TECPR2: variants seen among roughly 807,000 people sequenced by gnomAD.
The protein encoded by TECPR2 is tectonin beta-propeller repeat containing 2, also known as tectonin beta-propeller repeat-containing protein 2.
In TECPR2, 65 loss-of-function variants were observed where a neutral mutation model predicts 138.1. The ratio of observed to expected loss-of-function variants is 0.47; its 90% confidence interval spans 0.39 to 0.58. The LOEUF (loss-of-function observed/expected upper bound fraction) is 0.58. TECPR2 is among the 20% of genes least tolerant of loss of function. TECPR2 has a pLI of 0.00. For missense variants in TECPR2, 1,553 were observed against 1,824.5 expected (o/e 0.85, Z 2.71); for synonymous variants, 746 against 749.8 (o/e 0.99, Z 0.08).
chr14:102,492,588 T>C (rs1365071698), intron 17 of TECPR2, among the ~76,000 whole-genome samples: 1 of 152,164 alleles, frequency 6.6e-6, no homozygotes, highest in Non-Finnish European at 1.5e-5. Context: ...GTGGTCAGGG[T>C]CCATCCTCCA....
intron 2 of TECPR2, among the ~76,000 whole-genome samples, chr14:102,388,489 T>A (rs1039657960): frequency 2.8e-5 from 4 of 145,014 alleles, no homozygotes; most frequent in Non-Finnish European, 4.5e-5. Flanking sequence ...AGGTCAGGAG[T>A]TTGAGACCAG....
In TECPR2 at chr14:102,435,086, A is replaced by C; in HGVS notation, c.2269A>C (p.Ile757Leu). The change falls in exon 9 of 20, where the codon ATC becomes CTC. Residue 757 changes from isoleucine to leucine, a missense_variant. Transcript: ENST00000359520. ...ATTGACGTCCAGCGATGAGGAGGAC[A>C]TCTATGCCCACGGGCTTCCTTCTTC... is the stretch of plus-strand genomic sequence containing the variant. ...QTLTSSDEED[I>L]YAHGLPSSSS... The C allele has an allele frequency of 1.2e-6, 2 of 1,613,932 alleles. No individual in the cohort carries two copies. The highest frequency in any genetic ancestry group is 1.7e-6 in the Non-Finnish European group (2 of 1,180,028).
intron 4 of TECPR2, among the ~76,000 whole-genome samples, chr14:102,411,699 C>CAAAAGAA: frequency 2.1e-5 from 1 of 46,874 alleles, no homozygotes; most frequent in Non-Finnish European, 3.3e-5. Context: ...CCATGTTGCT[C>CAAAAGAA]AAAAAAAAAA....
Position 102,499,160 on chromosome 14 carries a change from G to T in TECPR2, c.*903G>T. 2.8e-6 allele frequency: 2 copies of T among 703,048 alleles called. No homozygotes were observed. The highest frequency in any genetic ancestry group is 5.2e-6 in the Non-Finnish European group (2 of 385,002). The allele number at this position is 703,048 out of a possible 1,614,324, so 43.6% of individuals were successfully genotyped here. On this transcript the variant is annotated 3_prime_UTR_variant, in exon 20 of 20. Transcript: ENST00000359520. The stretch of plus-strand genomic sequence containing the variant: ...ATGGAACCTGGATGTGTGCACGTGT[G>T]TCCCAGGTAGGGACGGCACAGGAGG...
chr14:102,388,618 G>A (rs1328167715), intron 2 of TECPR2, among the ~76,000 whole-genome samples: 1 of 151,876 alleles, frequency 6.6e-6, no homozygotes, highest in Non-Finnish European at 1.5e-5. Context: ...CACGAGGTCA[G>A]GAGATCGAGA....
chr14:102,425,158 G>A lies in TECPR2; in HGVS notation c.818G>A (p.Arg273His), dbSNP rs144069125. 189 of 1,614,080 alleles carry A rather than the reference G, an allele frequency of 1.2e-4. No individual in the cohort carries two copies. In the Middle Eastern group the frequency reaches 4.5e-3, roughly 38 times the overall value. ...GGVKPFELHP[R>H]LESPNSGSCS... ...GTCAAGCCTTTTGAACTGCACCCGC[G>A]TCTGGAATCCCCCAACAGTGGAAGT... The change falls in exon 6 of 20, where the codon CGT becomes CAT. Residue 273 changes from arginine to histidine, a missense_variant. Transcript: ENST00000359520.
At chr14:102,467,618 G>A (rs142753671) in intron 17 of TECPR2, among the ~76,000 whole-genome samples, 3,105 of 152,070 alleles carry the variant, frequency 0.02, 48 homozygotes, top group Non-Finnish European at 0.034. Flanking sequence ...GAGCCACTGC[G>A]CCTGGCCTTT....
chr14:102,434,365 G>A lies in TECPR2; in HGVS notation c.1548G>A (p.Val516=). Residue 516 remains valine (V), a synonymous_variant, in exon 9 of 20, where the codon GTG becomes GTA. Coordinates refer to ENST00000359520, the MANE Select transcript of TECPR2 (RefSeq NM_014844.5). The stretch of plus-strand genomic sequence containing the variant: ...CCTCAAGTGTCCTGGGCAGTAGCGT[G>A]GATCAGTTAAGTGCAGAGTCTCCAG... ...SMTSSVLGSS[V]DQLSAESPDQ... 6.6e-7 allele frequency: 1 copy of A among 1,521,000 alleles called. No homozygotes were observed. Among genetic ancestry groups the A allele is most frequent in the Non-Finnish European group, 8.8e-7 (1 of 1,134,824 alleles). The allele number at this position is 1,521,000 out of a possible 1,614,324, so 94.2% of individuals were successfully genotyped here.
At chr14:102,407,600 A>G (rs1888696280) in intron 3 of TECPR2, 134 bp downstream of exon 3, 6 of 1,208,976 alleles carry the variant, frequency 5.0e-6, no homozygotes, top group Admixed American at 2.8e-5. Flanking sequence ...GCCCAGGCTC[A>G]TGCCTGTAAT....
intron 13 of TECPR2, among the ~76,000 whole-genome samples, chr14:102,447,657 C>T (rs1890021771): frequency 6.6e-6 from 1 of 152,192 alleles, no homozygotes; most frequent in Non-Finnish European, 1.5e-5. Context: ...GCCTCAGCCT[C>T]CTGGGTAGCT....
At chr14:102,423,685 T>A (rs781151569) in intron 5 of TECPR2, among the ~76,000 whole-genome samples, 1 of 152,174 alleles carries the variant, frequency 6.6e-6, no homozygotes, top group African/African-American at 2.4e-5. Context: ...CCTAATGACA[T>A]ATTTCTCAAA....
chr14:102,416,463 A>G (rs2139705129), intron 5 of TECPR2, among the ~76,000 whole-genome samples: 1 of 152,224 alleles, frequency 6.6e-6, no homozygotes, highest in African/African-American at 2.4e-5. Flanking sequence ...TGGCCTTTTT[A>G]TATCTGCAGT....
intron 16 of TECPR2, among the ~76,000 whole-genome samples, chr14:102,461,379 C>G (rs2139766853): frequency 6.6e-6 from 1 of 152,012 alleles, no homozygotes; most frequent in Non-Finnish European, 1.5e-5. Context: ...TTGTGTTACG[C>G]AGTAATTTAT....
rs1198660281 is a variant in TECPR2, at chr14:102,435,154, C to T, written c.2337C>T (p.Ser779=). The change falls in exon 9 of 20, where the codon TCC becomes TCT. Residue 779 remains serine, a synonymous_variant. Transcript: ENST00000359520. ...TSVTELGPSC[S]QQDLSRLGAE... Reference sequence around the variant, plus strand: ...TGACAGAGCTCGGACCTAGTTGCTCCCAGCAGGACCTGAGCCGGCTGGGTG... The same window carrying T: ...TGACAGAGCTCGGACCTAGTTGCTCTCAGCAGGACCTGAGCCGGCTGGGTG... The T allele has an allele frequency of 6.2e-7, 1 of 1,613,188 alleles. No homozygotes were observed. The highest frequency in any genetic ancestry group is 1.1e-5 in the South Asian group (1 of 91,084).
chr14:102,431,851 G>T lies in TECPR2; in HGVS notation c.1140G>T (p.Ala380=). Residue 380 remains alanine, a synonymous_variant, in exon 8 of 20, where the codon GCG becomes GCT. Coordinates refer to ENST00000359520, the MANE Select transcript of TECPR2 (RefSeq NM_014844.5). ...CAGAGCGTGTCCACGTGCAGCAAGC[G>T]GAGAAGCTGCCAGGGGCCACAGTTT... ...GCSERVHVQQ[A]EKLPGATVSE... is the part of the protein sequence containing the mutation. The T allele has an allele frequency of 6.3e-7, 1 of 1,599,848 alleles. No homozygotes were observed. The highest frequency in any genetic ancestry group is 8.6e-7 in the Non-Finnish European group (1 of 1,168,432).
intron 17 of TECPR2, among the ~76,000 whole-genome samples, chr14:102,469,545 G>A (rs1890617184): frequency 6.6e-6 from 1 of 152,092 alleles, no homozygotes; most frequent in African/African-American, 2.4e-5. Context: ...CTTTCTATCT[G>A]TATGTCTTTT....
chr14:102,429,483 T>TTTG (rs1423598144), intron 7 of TECPR2, among the ~76,000 whole-genome samples: 3 of 152,236 alleles, frequency 2.0e-5, no homozygotes, highest in Non-Finnish European at 2.9e-5. Flanking sequence ...TGGTAATTCA[T>TTTG]ACAAGCCCAA....
At position 102,425,292 on chromosome 14, in the gene TECPR2, G is replaced by GTT. The variant is rs1309035975; in HGVS notation, c.951+2_951+3insTT. 6.4e-7 allele frequency: 1 copy of GTT among 1,574,736 alleles called. No homozygotes were observed. The highest frequency in any genetic ancestry group is 8.6e-7 in the Non-Finnish European group (1 of 1,158,278). On this transcript the variant is annotated splice_donor_variant, in intron 6 of 19. Transcript: ENST00000359520. LOFTEE classifies it high-confidence loss of function. Reference sequence around the variant, plus strand: ...CTATCTCCTAGACACAGTCAACCAGGTAAGTGAAGGGACGCCACCATATCT... The same window carrying GTT: ...CTATCTCCTAGACACAGTCAACCAGGTTTAAGTGAAGGGACGCCACCATATCT...
At chr14:102,426,084 A>G (rs1379933435) in intron 6 of TECPR2, among the ~76,000 whole-genome samples, 1 of 150,930 alleles carries the variant, frequency 6.6e-6, no homozygotes, top group Non-Finnish European at 1.5e-5. Flanking sequence ...ACAGGGTTTC[A>G]CCATGTTGGC....
Sources: gnomAD v4.1 joint callset for allele counts (sites outside exome capture counted in the v4.1 genomes callset) on GRCh38, gnomAD v4.1.1 for gene constraint, MANE v1.5 for transcripts, NCBI Gene and HGNC (gene_info 2026-07-23, HGNC 2026-07-21) for gene names.